The following GNG2 variants were observed in gnomAD, a reference collection of about 807,000 sequenced individuals.
GNG2 encodes guanine nucleotide-binding protein G(I)/G(S)/G(O) subunit gamma-2.
GNG2 carries 5 observed loss-of-function variants against 5.5 expected under a neutral mutation model. The observed-to-expected ratio is 0.91, with a 90% CI of 0.48 to 1.92. The LOEUF (loss-of-function observed/expected upper bound fraction) is 1.92. Ranked by LOEUF, GNG2 falls within the 30% of genes most tolerant of loss-of-function variation. The pLI, the probability that GNG2 is intolerant of heterozygous loss-of-function variation, is 0.01. For synonymous variants in GNG2, 28 were observed against 32.0 expected, an observed-to-expected ratio of 0.88 and a Z score of 0.42; for missense variants, 55 against 88.4, an observed-to-expected ratio of 0.62 and a Z score of 1.52.
chr14:51,914,518 G>A (rs1204772657), intron 2 of GNG2, among the ~76,000 whole-genome samples: 2 of 152,174 alleles, frequency 1.3e-5, no homozygotes, highest in Admixed American at 6.5e-5. Context: ...TAATAGTAAT[G>A]AGGTGTCGGC....
rs1367140158 is a variant in GNG2 at position 51,962,794 on chromosome 14, G to A, written c.88-3765G>A. Among the ~76,000 whole-genome samples, 4 of 152,120 alleles carry A rather than the reference G, an allele frequency of 2.6e-5. No individual in the cohort carries two copies. The East Asian group carries it at 7.7e-4, about 29-fold the overall frequency. On this transcript the variant is annotated intron_variant, in intron 3 of 3. Transcript: ENST00000556766. ...GAAGCTGTGTGCAAAATGTTAGCAG[G>A]GATTGTCAGAAAGCAGAAAGATCTG...
intron 2 of GNG2, among the ~76,000 whole-genome samples, chr14:51,834,279 C>T (rs898563202): frequency 1.1e-4 from 16 of 152,226 alleles, no homozygotes; most frequent in Non-Finnish European, 1.9e-4. Context: ...TCCCCCAGAA[C>T]GCCCCAAGGC....
chr14:51,948,003 A>G (rs1259063213), intron 2 of GNG2, among the ~76,000 whole-genome samples: 2 of 152,154 alleles, frequency 1.3e-5, no homozygotes, highest in East Asian at 1.9e-4. Flanking sequence ...CTTCCTGTTC[A>G]CCCTAGTGTA....
At chr14:51,864,996 G>A (rs1254884576) in intron 1 of GNG2, among the ~76,000 whole-genome samples, 1 of 152,130 alleles carries the variant, frequency 6.6e-6, no homozygotes, top group Non-Finnish European at 1.5e-5. Flanking sequence ...GTGAGGCAGG[G>A]TATGGTGAGG....
chr14:51,905,768 TTCCCCC>T (rs1232518388), intron 2 of GNG2, among the ~76,000 whole-genome samples: 75 of 152,212 alleles, frequency 4.9e-4, no homozygotes, highest in Non-Finnish European at 8.7e-4. Context: ...TCGGGGAAGT[TTCCCCC>T]ATCCTGTTGT....
intron 2 of GNG2, among the ~76,000 whole-genome samples, chr14:51,843,768 A>G (rs780210509): frequency 1.1e-4 from 17 of 152,132 alleles, no homozygotes; most frequent in Non-Finnish European, 2.2e-4. Flanking sequence ...TTGCCATGGA[A>G]GGTATTTCCT....
At chr14:51,889,446 G>T (rs996636924) in intron 2 of GNG2, among the ~76,000 whole-genome samples, 1 of 152,114 alleles carries the variant, frequency 6.6e-6, no homozygotes. Context: ...TTTGATAGTG[G>T]TGATGGGTAC....
chr14:51,955,876 T>C (rs1419521640), intron 3 of GNG2, among the ~76,000 whole-genome samples: 1 of 152,212 alleles, frequency 6.6e-6, no homozygotes, highest in Non-Finnish European at 1.5e-5. Context: ...GAGCCAAATA[T>C]GGACATTTCT....
At chr14:51,904,485 G>C (rs1172516478) in intron 2 of GNG2, among the ~76,000 whole-genome samples, 1 of 152,176 alleles carries the variant, frequency 6.6e-6, no homozygotes, top group East Asian at 1.9e-4. Flanking sequence ...GTTACTCAGA[G>C]CACCATACGG....
At chr14:51,845,543 C>T (rs1881599771) in intron 2 of GNG2, among the ~76,000 whole-genome samples, 1 of 152,126 alleles carries the variant, frequency 6.6e-6, no homozygotes, top group South Asian at 2.1e-4. Flanking sequence ...ATCTTAGAGG[C>T]AATCTTGCCC....
At chr14:51,872,305 C>T (rs1047816156) in intron 1 of GNG2, among the ~76,000 whole-genome samples, 8 of 135,222 alleles carry the variant, frequency 5.9e-5, no homozygotes, top group African/African-American at 2.2e-4. Flanking sequence ...TTTTAAATGA[C>T]TATTTTGTGT....
At chr14:51,927,598 G>A (rs972184381) in intron 2 of GNG2, among the ~76,000 whole-genome samples, 1 of 152,130 alleles carries the variant, frequency 6.6e-6, no homozygotes, top group African/African-American at 2.4e-5. Flanking sequence ...TTTACCTTTG[G>A]AGTGTAAGCT....
In GNG2 at chr14:51,871,340, A is replaced by AG. The variant is rs543825072; in HGVS notation, c.-70-6277_-70-6276insG. 1.5e-3 allele frequency among the ~76,000 whole-genome samples: 231 copies of AG among 151,860 alleles called. 1 individual carries two copies. Among genetic ancestry groups the AG allele is most frequent in the African/African-American group, 5.1e-3 (213 of 41,468 alleles). On this transcript the variant is annotated intron_variant, in intron 1 of 3. Transcript: ENST00000556766. Reference sequence around the variant, plus strand: ...GGTGAAAATTCCTAGGCAAAAAAAAAAAGGTCCAACTAGTCTTTTCTTATT... The same window carrying AG: ...GGTGAAAATTCCTAGGCAAAAAAAAAGAAGGTCCAACTAGTCTTTTCTTATT...
Position 51,941,125 on chromosome 14 carries a change from ATTAC to A in GNG2, c.-29-9518_-29-9515del, listed in dbSNP as rs554436409. 1.6e-4 allele frequency among the ~76,000 whole-genome samples: 25 copies of A among 152,258 alleles called. 1 individual carries two copies. The East Asian group carries it at 4.8e-3, about 29-fold the overall frequency. ...ATATATAATATCAATTTGATGATGG[ATTAC>A]TTACTTGCTGCAGAATAAATTAGAG... On this transcript the variant is annotated intron_variant, in intron 2 of 3. Transcript: ENST00000556766.
chr14:51,904,004 A>C lies in GNG2; in HGVS notation c.-30+26347A>C, dbSNP rs1566676193. Among the ~76,000 whole-genome samples the C allele has an allele frequency of 3.3e-5, 5 of 152,242 alleles. No individual in the cohort carries two copies. In the South Asian group the frequency reaches 1.0e-3, roughly 31 times the overall value. On this transcript the variant is annotated intron_variant, in intron 2 of 3. Transcript: ENST00000556766. ...ACTTTACCATAGAAGGAATTTCTCA[A>C]AAGGCATGCAATGCTCAGAGAATCT...
chr14:51,949,134 A>G (rs907202231), intron 2 of GNG2, among the ~76,000 whole-genome samples: 2 of 151,888 alleles, frequency 1.3e-5, no homozygotes, highest in Non-Finnish European at 2.9e-5. Context: ...AAAAAAAAAA[A>G]AAGAAAAGAA....
chr14:51,865,614 C>T (rs1882824701), intron 1 of GNG2, among the ~76,000 whole-genome samples: 1 of 151,374 alleles, frequency 6.6e-6, no homozygotes, highest in Admixed American at 6.6e-5. Flanking sequence ...TAATTCCTCA[C>T]CTCCCAGTTA....
At chr14:51,944,672 C>G (rs1290771245) in intron 2 of GNG2, among the ~76,000 whole-genome samples, 1 of 152,112 alleles carries the variant, frequency 6.6e-6, no homozygotes, top group African/African-American at 2.4e-5. Context: ...AACGCCTAAA[C>G]ATAAGAGCTA....
At position 51,968,656 on chromosome 14, in the gene GNG2, GTATT is replaced by G. The variant is rs747764966; in HGVS notation, c.*1974_*1977del. The stretch of plus-strand genomic sequence containing the variant: ...ATTTAGGGGTGAAAAAAACAGCAGA[GTATT>G]TATTAAACTACAGCATTGTACAATT... On this transcript the variant is annotated 3_prime_UTR_variant, in exon 4 of 4. Coordinates refer to ENST00000556766, the MANE Select transcript of GNG2 (RefSeq NM_053064.5). The G allele has an allele frequency of 1.3e-3, 193 of 152,284 alleles. 1 individual carries two copies. The highest frequency in any genetic ancestry group is 4.4e-3 in the African/African-American group (183 of 41,546). 9.4% of individuals were successfully genotyped at this position (152,284 alleles called of 1,614,324 possible). A position where few individuals can be genotyped will look rare whatever the true frequency, so the allele number is the denominator to read the frequency against.
Sources: allele counts gnomAD v4.1 joint callset (sites outside exome capture counted in the v4.1 genomes callset), GRCh38; gene constraint gnomAD v4.1.1; transcripts MANE v1.5; gene names NCBI Gene and HGNC (gene_info 2026-07-23, HGNC 2026-07-21).